The following NCKAP5 variants were observed in gnomAD, a reference collection of about 807,000 sequenced individuals.
NCKAP5 encodes NCK associated protein 5.
Under a neutral mutation model 167.0 loss-of-function variants are expected in NCKAP5, and 92 were observed. That is an observed-to-expected ratio of 0.55 (90% CI 0.47 to 0.66). The LOEUF (loss-of-function observed/expected upper bound fraction) is 0.66, where lower values mean the gene tolerates loss of function less well. Ranked by LOEUF, NCKAP5 falls within the 30% of genes least tolerant of loss-of-function variation. The pLI, the probability that NCKAP5 is intolerant of heterozygous loss-of-function variation, is 0.00. For synonymous variants in NCKAP5, 891 were observed against 877.4 expected (o/e 1.02, Z -0.27); for missense variants, 2,378 against 2,315.0 (o/e 1.03, Z -0.56).
At chr2:133,493,223 C>T (rs1452117064) in intron 3 of NCKAP5, among the ~76,000 whole-genome samples, 1 of 152,158 alleles carries the variant, frequency 6.6e-6, no homozygotes, top group African/African-American at 2.4e-5. Context: ...TTTGCTGTTA[C>T]ACTTCAGTGT....
chr2:132,766,645 A>T (rs2104901429), intron 16 of NCKAP5, among the ~76,000 whole-genome samples: 1 of 152,312 alleles, frequency 6.6e-6, no homozygotes, highest in Non-Finnish European at 1.5e-5. Flanking sequence ...TTTCATTTTG[A>T]TAAGCACCTA....
chr2:132,745,008 C>T (rs1400764488), intron 16 of NCKAP5, among the ~76,000 whole-genome samples: 1 of 151,740 alleles, frequency 6.6e-6, no homozygotes, highest in African/African-American at 2.4e-5. Context: ...GATGTCTTCA[C>T]TATTGAATTC....
intron 19 of NCKAP5, among the ~76,000 whole-genome samples, chr2:132,723,796 G>A (rs994482610): frequency 7.2e-5 from 11 of 152,252 alleles, no homozygotes; most frequent in Middle Eastern, 3.4e-3. Flanking sequence ...CTCTTGCCTG[G>A]ATGCCTGTAA....
intron 5 of NCKAP5, among the ~76,000 whole-genome samples, chr2:133,132,481 GCACACACACACACACA>G (rs373384379): frequency 3.1e-5 from 4 of 130,000 alleles, no homozygotes; most frequent in African/African-American, 5.8e-5. Flanking sequence ...GAAAAAAAAA[GCACACACACACACACA>G]CACACACACA....
intron 1 of NCKAP5, among the ~76,000 whole-genome samples, chr2:133,567,848 T>C (rs939036676): frequency 1.8e-4 from 27 of 152,192 alleles, no homozygotes; most frequent in African/African-American, 6.5e-4. Flanking sequence ...GCCTTCATAG[T>C]TGTCTGCTAA....
chr2:133,236,438 C>A (rs1264188148), intron 4 of NCKAP5, among the ~76,000 whole-genome samples: 5 of 152,072 alleles, frequency 3.3e-5, no homozygotes, highest in African/African-American at 1.2e-4. Context: ...AGGTTAATGA[C>A]CTGTGAAGTG....
intron 6 of NCKAP5, among the ~76,000 whole-genome samples, chr2:133,023,711 G>A (rs2078606286): frequency 1.3e-5 from 2 of 152,252 alleles, no homozygotes; most frequent in South Asian, 4.2e-4. Context: ...TCGATTTTCT[G>A]TTCCTGCCTT....
chr2:133,597,673 C>CAAAAAAAAAAAA, the NCKAP5 span, among the ~76,000 whole-genome samples: 39 of 61,098 alleles, frequency 6.4e-4, no homozygotes, highest in African/African-American at 1.5e-3. Flanking sequence ...GACTCTGTCT[C>CAAAAAAAAAAAA]AAAAAAAAAA....
rs150962668 is a variant in NCKAP5, at chr2:132,985,583, C to T, written c.429+8569G>A. ...TTTGAAAGACATTATTTTTGACTGA[C>T]CTGAATCTAAGCACACACTTTGGTT... On this transcript the variant is annotated intron_variant, in intron 7 of 19. Coordinates refer to ENST00000409261, the MANE Select transcript of NCKAP5 (RefSeq NM_207363.3). Among the ~76,000 whole-genome samples the T allele has an allele frequency of 2.1e-3, 313 of 152,252 alleles. 1 individual carries two copies. Among genetic ancestry groups the T allele is most frequent in the Admixed American group, 4.6e-3 (70 of 15,294 alleles).
chr2:133,099,209 T>C (rs763142122), intron 6 of NCKAP5, among the ~76,000 whole-genome samples: 1 of 152,084 alleles, frequency 6.6e-6, no homozygotes, highest in Admixed American at 6.5e-5. Context: ...AGTAAGAATA[T>C]ATAGAAAAAA....
chr2:132,888,758 T>C (rs1410316947), intron 8 of NCKAP5, among the ~76,000 whole-genome samples: 1 of 152,190 alleles, frequency 6.6e-6, no homozygotes, highest in Non-Finnish European at 1.5e-5. Flanking sequence ...ACTGACAAAA[T>C]ATTTAAAGCT....
upstream of NCKAP5, among the ~76,000 whole-genome samples, chr2:133,573,444 AGAG>A (rs1356596322): frequency 1.9e-4 from 29 of 152,190 alleles, no homozygotes; most frequent in African/African-American, 6.7e-4. Flanking sequence ...ATCTGCTGGG[AGAG>A]GAGGTGAGGG....
chr2:132,851,428 C>A (rs909164917), intron 11 of NCKAP5, among the ~76,000 whole-genome samples: 3 of 152,100 alleles, frequency 2.0e-5, no homozygotes, highest in Non-Finnish European at 4.4e-5. Flanking sequence ...TTATCTTCAT[C>A]CCCCTGATCA....
At chr2:133,120,202 C>G (rs2082208062) in intron 6 of NCKAP5, among the ~76,000 whole-genome samples, 1 of 152,164 alleles carries the variant, frequency 6.6e-6, no homozygotes, top group African/African-American at 2.4e-5. Context: ...AAAACTACAA[C>G]ACATTTCTTT....
chr2:133,207,816 G>T (rs927681996), intron 5 of NCKAP5, among the ~76,000 whole-genome samples: 1 of 152,108 alleles, frequency 6.6e-6, no homozygotes, highest in African/African-American at 2.4e-5. Context: ...TAAATAATAA[G>T]GAAGAAGAGA....
At chr2:133,389,934 T>C (rs1000911789) in intron 3 of NCKAP5, among the ~76,000 whole-genome samples, 1 of 152,192 alleles carries the variant, frequency 6.6e-6, no homozygotes, top group Non-Finnish European at 1.5e-5. Flanking sequence ...GAGCAGAGCT[T>C]CCAGGCCACC....
intron 5 of NCKAP5, among the ~76,000 whole-genome samples, chr2:133,143,308 C>A (rs958107367): frequency 6.6e-5 from 10 of 152,118 alleles, no homozygotes; most frequent in Non-Finnish European, 1.5e-4. Flanking sequence ...GGTTATAACT[C>A]ATCCACGTGC....
At chr2:133,152,527 AG>A (rs1297064286) in intron 5 of NCKAP5, among the ~76,000 whole-genome samples, 1 of 152,218 alleles carries the variant, frequency 6.6e-6, no homozygotes, top group African/African-American at 2.4e-5. Flanking sequence ...TGAATACTGA[AG>A]AAAAATTATA....
the NCKAP5 span, among the ~76,000 whole-genome samples, chr2:133,606,369 C>T: frequency 1.3e-5 from 2 of 152,150 alleles, no homozygotes; most frequent in African/African-American, 2.4e-5. Context: ...AAGAACTTAC[C>T]GAACACCCCC....
Sources: gnomAD v4.1 joint callset for allele counts (sites outside exome capture counted in the v4.1 genomes callset) on GRCh38, gnomAD v4.1.1 for gene constraint, MANE v1.5 for transcripts, NCBI Gene and HGNC (gene_info 2026-07-23, HGNC 2026-07-21) for gene names.